The following WNT3 variants were observed in gnomAD, a reference collection of about 807,000 sequenced individuals.
WNT3 encodes the protein Wnt family member 3.
In WNT3, 7 loss-of-function variants were observed where a neutral mutation model predicts 34.2. The observed-to-expected ratio is 0.20, with a 90% CI of 0.12 to 0.38. WNT3 has a LOEUF of 0.38. WNT3 is among the 10% of genes least tolerant of loss of function. The pLI, the probability that WNT3 is intolerant of heterozygous loss-of-function variation, is 1.00. For synonymous variants in WNT3, 212 were observed against 211.5 expected (o/e 1.00, Z -0.02); for missense variants, 267 against 499.8 (o/e 0.53, Z 4.44).
At chr17:46,804,272 G>C (rs2084163747) in intron 1 of WNT3, among the ~76,000 whole-genome samples, 1 of 151,992 alleles carries the variant, frequency 6.6e-6, no homozygotes, top group African/African-American at 2.4e-5. Flanking sequence ...ATTTTTAGTA[G>C]AGACGGGGTT....
chr17:46,794,378 A>C (rs2084025692), intron 1 of WNT3, among the ~76,000 whole-genome samples: 1 of 152,182 alleles, frequency 6.6e-6, no homozygotes, highest in Non-Finnish European at 1.5e-5. Flanking sequence ...CCCAGGCCCT[A>C]TATGCAGGCT....
chr17:46,814,337 C>T (rs1286792617), intron 1 of WNT3, among the ~76,000 whole-genome samples: 1 of 152,202 alleles, frequency 6.6e-6, no homozygotes, highest in Non-Finnish European at 1.5e-5. Flanking sequence ...TAACGTTTGA[C>T]CTGTTTTCTT....
chr17:46,799,098 C>A (rs904141414), intron 1 of WNT3, among the ~76,000 whole-genome samples: 4 of 151,856 alleles, frequency 2.6e-5, no homozygotes, highest in African/African-American at 4.8e-5. Flanking sequence ...TTAATTCACC[C>A]TTCCCTTCCT....
chr17:46,797,605 A>C (rs2084071596), intron 1 of WNT3, among the ~76,000 whole-genome samples: 1 of 152,238 alleles, frequency 6.6e-6, no homozygotes, highest in South Asian at 2.1e-4. Context: ...TGTAAAGCTC[A>C]ACATTCACAC....
rs781416274 is a variant in WNT3 at position 46,818,544 on chromosome 17, C to G, written c.54G>C (p.Arg18Ser). The change falls in exon 1 of 5, where the codon AGG (arginine) becomes AGC (serine). Residue 18 changes from arginine (R) to serine (S), a missense_variant. Physicochemically the swap from Arg to Ser is moderately radical, Grantham distance 110. Coordinates refer to ENST00000225512, the MANE Select transcript of WNT3 (RefSeq NM_030753.5). ...LLLGLLLGGT[R>S]VLAGYPIWWS... is the part of the protein sequence containing the mutation. ...ACCAAATTGGGTAGCCAGCGAGGAC[C>G]CTGGTGCCACCGAGCAGGAGGCCGA... 1 of 1,608,740 alleles carries G rather than the reference C, an allele frequency of 6.2e-7. No individual in the cohort carries two copies. Among genetic ancestry groups the G allele is most frequent in the Non-Finnish European group, 8.5e-7 (1 of 1,178,446 alleles).
At chr17:46,779,473 C>T (rs2059442313) in intron 1 of WNT3, among the ~76,000 whole-genome samples, 2 of 152,116 alleles carry the variant, frequency 1.3e-5, no homozygotes, top group South Asian at 2.1e-4. Context: ...CTCCTGAAGC[C>T]GGCTCATCCT....
At chr17:46,811,161 C>G (rs1224146830) in intron 1 of WNT3, among the ~76,000 whole-genome samples, 1 of 101,074 alleles carries the variant, frequency 9.9e-6, no homozygotes, top group Non-Finnish European at 2.6e-5. Flanking sequence ...AACTCTACCC[C>G]TGCCCGCCCT....
Position 46,773,744 on chromosome 17 carries a change from G to T in WNT3, c.246C>A (p.His82Gln). 3 of 1,613,122 alleles carry T rather than the reference G, an allele frequency of 1.9e-6. No individual in the cohort carries two copies. The highest frequency in any genetic ancestry group is 2.5e-6 in the Non-Finnish European group (3 of 1,179,922). The change falls in exon 2 of 5, where the codon CAC (histidine) becomes CAA (glutamine). Residue 82 changes from histidine (H) to glutamine (Q), a missense_variant. This residue lies in a region of WNT3 where 181 missense variants were observed against 391.3 expected (regional missense o/e 0.46). Transcript: ENST00000225512. ...GVKLGIQECQ[H>Q]QFRGRRWNCT... is the part of the protein sequence containing the mutation. ...AGTTCCAGCGGCGGCCCCGGAACTGGTGCTGGCACTCCTGGATGCCCAGCT... is the reference window on the plus strand; with the variant it reads ...AGTTCCAGCGGCGGCCCCGGAACTGTTGCTGGCACTCCTGGATGCCCAGCT...
chr17:46,771,258 G>T (rs540735316), intron 2 of WNT3, among the ~76,000 whole-genome samples: 173 of 152,236 alleles, frequency 1.1e-3, no homozygotes, highest in African/African-American at 4.1e-3. Flanking sequence ...GACCGAGGAC[G>T]GCGGCAAGGG....
intron 1 of WNT3, among the ~76,000 whole-genome samples, chr17:46,806,371 G>A (rs930972412): frequency 6.6e-5 from 10 of 151,838 alleles, no homozygotes; most frequent in Admixed American, 3.3e-4. Context: ...CACCACGCCC[G>A]GCTAATTTTG....
In WNT3 at chr17:46,763,499, T is replaced by C. The variant is rs1047507900; in HGVS notation, c.*1131A>G. On this transcript the variant is annotated 3_prime_UTR_variant, in exon 5 of 5. Coordinates refer to ENST00000225512, the MANE Select transcript of WNT3 (RefSeq NM_030753.5). Reference sequence around the variant, plus strand: ...AACTCTGTGTCTGTGTTTACTCACATTGGCCCCAGAGAGGAAAGGACACAG... The same window carrying C: ...AACTCTGTGTCTGTGTTTACTCACACTGGCCCCAGAGAGGAAAGGACACAG... The C allele has an allele frequency of 6.6e-6, 1 of 152,206 alleles. No individual in the cohort carries two copies. The highest frequency in any genetic ancestry group is 1.5e-5 in the Non-Finnish European group (1 of 68,062). 9.4% of individuals were successfully genotyped at this position (152,206 alleles called of 1,614,324 possible).
intron 1 of WNT3, among the ~76,000 whole-genome samples, chr17:46,796,258 TC>T (rs1360605321): frequency 6.6e-6 from 1 of 152,226 alleles, no homozygotes; most frequent in Non-Finnish European, 1.5e-5. Context: ...TTTGTCACAG[TC>T]CCTGGCACAT....
chr17:46,814,340 G>C (rs1219634264), intron 1 of WNT3, among the ~76,000 whole-genome samples: 1 of 152,140 alleles, frequency 6.6e-6, no homozygotes, highest in Non-Finnish European at 1.5e-5. Flanking sequence ...CGTTTGACCT[G>C]TTTTCTTCTT....
intron 1 of WNT3, among the ~76,000 whole-genome samples, chr17:46,796,633 G>T (rs2084058071): frequency 6.6e-6 from 1 of 152,182 alleles, no homozygotes; most frequent in Admixed American, 6.5e-5. Flanking sequence ...GCCTCATTGG[G>T]TGACAGATCC....
At chr17:46,811,157 AC>A (rs1220393119) in intron 1 of WNT3, among the ~76,000 whole-genome samples, 3 of 144,042 alleles carry the variant, frequency 2.1e-5, no homozygotes, top group African/African-American at 7.4e-5. Context: ...CAGCAACTCT[AC>A]CCCTGCCCGC....
chr17:46,796,107 T>C (rs1219946754), intron 1 of WNT3, among the ~76,000 whole-genome samples: 1 of 152,218 alleles, frequency 6.6e-6, no homozygotes, highest in East Asian at 1.9e-4. Context: ...GGCTTTGTGA[T>C]CTGGCTGACC....
At chr17:46,800,651 CA>C (rs1393484273) in intron 1 of WNT3, among the ~76,000 whole-genome samples, 2 of 152,212 alleles carry the variant, frequency 1.3e-5, no homozygotes, top group African/African-American at 4.8e-5. Flanking sequence ...AGCAGGGAGA[CA>C]AGAGTCTGGG....
At chr17:46,773,062 G>A (rs1043823817) in intron 2 of WNT3, among the ~76,000 whole-genome samples, 2 of 152,138 alleles carry the variant, frequency 1.3e-5, no homozygotes, top group African/African-American at 2.4e-5. Context: ...CAGGTTCAAA[G>A]TCAAATCATG....
rs550906615 is a variant in WNT3 at position 46,771,931 on chromosome 17, C to T, written c.322+1737G>A. ...GCCTGGGGAAGCGCCTCGGGCCCGC[C>T]GCGCCGCCGCCGCGCCTCGCCCCTT... On this transcript the variant is annotated intron_variant, in intron 2 of 4. Transcript: ENST00000225512. Among the ~76,000 whole-genome samples, 44 of 146,552 alleles carry T rather than the reference C, an allele frequency of 3.0e-4. 1 individual carries two copies. The highest frequency in any genetic ancestry group is 2.6e-3 in the Admixed American group (39 of 14,834).
Sources: gnomAD v4.1 joint callset for allele counts (sites outside exome capture counted in the v4.1 genomes callset) on GRCh38, gnomAD v4.1.1 for gene constraint, gnomAD v4.1.1 regional missense constraint, MANE v1.5 for transcripts, NCBI Gene and HGNC (gene_info 2026-07-23, HGNC 2026-07-21) for gene names.